Variants in MYO16 observed in about 807,000 individuals in gnomAD.
The protein encoded by MYO16 is unconventional myosin-XVI.
A neutral mutation model predicts 205.3 loss-of-function variants in MYO16; 94 were observed. That is an observed-to-expected ratio of 0.46 (90% confidence interval 0.39 to 0.54). The LOEUF is 0.54. MYO16 is among the 20% of genes least tolerant of loss of function. The pLI, the probability that MYO16 is intolerant of heterozygous loss-of-function variation, is 0.00. For synonymous variants in MYO16, 988 were observed against 954.0 expected (o/e 1.04, Z -0.66); for missense variants, 2,315 against 2,387.5 (o/e 0.97, Z 0.63).
At chr13:109,041,020 C>T (rs1353618530) in intron 23 of MYO16, among the ~76,000 whole-genome samples, 1 of 152,088 alleles carries the variant, frequency 6.6e-6, no homozygotes, top group East Asian at 1.9e-4. Flanking sequence ...AGCAAGGTCA[C>T]AAGACACAAG....
chr13:109,067,948 A>G (rs1009929100), intron 27 of MYO16, among the ~76,000 whole-genome samples: 1 of 152,190 alleles, frequency 6.6e-6, no homozygotes, highest in South Asian at 2.1e-4. Flanking sequence ...CTTCCTAACA[A>G]CCTAACGACC....
intron 4 of MYO16, among the ~76,000 whole-genome samples, chr13:108,772,213 G>A (rs1885988989): frequency 6.6e-6 from 1 of 152,098 alleles, no homozygotes; most frequent in Non-Finnish European, 1.5e-5. Context: ...GAAAGAAATA[G>A]CCGAGCATGG....
At chr13:108,635,258 A>G (rs1880170334) in intron 1 of MYO16, among the ~76,000 whole-genome samples, 1 of 152,174 alleles carries the variant, frequency 6.6e-6, no homozygotes, top group South Asian at 2.1e-4. Flanking sequence ...CAACCCGGAA[A>G]CGTGCCTTCC....
the MYO16 span, among the ~76,000 whole-genome samples, chr13:108,535,310 C>A: frequency 2.6e-5 from 4 of 152,062 alleles, no homozygotes; most frequent in Admixed American, 6.6e-5. Context: ...ATCTAAAATA[C>A]CAATTGTCTC....
chr13:108,648,410 C>G (rs4426222), intron 1 of MYO16, among the ~76,000 whole-genome samples: 20,875 of 152,078 alleles, frequency 0.14, 2,808 homozygotes, highest in African/African-American at 0.34. Flanking sequence ...CTTTTTATGT[C>G]TTAGTTCACA....
intron 14 of MYO16, among the ~76,000 whole-genome samples, chr13:108,894,631 T>C (rs1249092238): frequency 5.3e-5 from 8 of 152,206 alleles, no homozygotes; most frequent in African/African-American, 1.9e-4. Flanking sequence ...CAAACACTTA[T>C]TCTTACGAGA....
chr13:109,152,971 G>A (rs1877760550), intron 32 of MYO16, among the ~76,000 whole-genome samples: 1 of 152,158 alleles, frequency 6.6e-6, no homozygotes, highest in Admixed American at 6.5e-5. Context: ...AAAATGAAAT[G>A]TGGGCTCTCT....
At chr13:108,910,280 A>C (rs1392297221) in intron 16 of MYO16, 130 bp downstream of exon 16, 2 of 974,538 alleles carry the variant, frequency 2.1e-6, no homozygotes, top group Non-Finnish European at 3.0e-6. Context: ...GGATACTGTT[A>C]GGTTGAAACC....
chr13:108,663,371 C>G (rs890946450), intron 1 of MYO16, among the ~76,000 whole-genome samples: 4 of 151,810 alleles, frequency 2.6e-5, no homozygotes, highest in Non-Finnish European at 5.9e-5. Flanking sequence ...TAGACATATA[C>G]GTACATGACA....
At position 109,141,228 on chromosome 13, in the gene MYO16, C is replaced by A. The variant is rs994964530; in HGVS notation, c.5016C>A (p.Ala1672=). The change falls in exon 32 of 35, where the codon GCC becomes GCA. Residue 1672 remains alanine (A), a synonymous_variant. Transcript: ENST00000457511. The surrounding 1 kb of genome is among the most constrained non-coding windows in gnomAD (Gnocchi z 4.1). The part of the protein sequence containing the change: ...VKATRADARK[A]GSSASPPAPY... ...CCACCAGGGCGGACGCCAGGAAGGC[C>A]GGCTCCAGTGCCTCGCCCCCCGCGC... is the stretch of plus-strand genomic sequence containing the variant. 4 of 1,606,730 alleles carry A rather than the reference C, an allele frequency of 2.5e-6. No homozygotes were observed. The highest frequency in any genetic ancestry group is 1.1e-5 in the South Asian group (1 of 90,734).
At chr13:108,711,317 T>G (rs923968401) in intron 2 of MYO16, among the ~76,000 whole-genome samples, 1 of 152,252 alleles carries the variant, frequency 6.6e-6, no homozygotes, top group Admixed American at 6.5e-5. Context: ...CTACTCAATG[T>G]TAGCAGATTC....
At chr13:108,580,827 T>G in the MYO16 span, among the ~76,000 whole-genome samples, 1 of 152,200 alleles carries the variant, frequency 6.6e-6, no homozygotes, top group East Asian at 1.9e-4. Flanking sequence ...AGAAGTCAGT[T>G]GAAAACTTCC....
chr13:109,044,079 C>T (rs1886965095), intron 23 of MYO16, among the ~76,000 whole-genome samples: 1 of 152,056 alleles, frequency 6.6e-6, no homozygotes, highest in South Asian at 2.1e-4. Flanking sequence ...TACCGAATTA[C>T]AGTCAGATCC....
At chr13:109,128,118 T>C (rs1205559995) in intron 31 of MYO16, among the ~76,000 whole-genome samples, 1 of 152,342 alleles carries the variant, frequency 6.6e-6, no homozygotes, top group East Asian at 1.9e-4. Context: ...ACAATTACTG[T>C]TTAAATATTA....
intron 4 of MYO16, among the ~76,000 whole-genome samples, chr13:108,761,820 T>C (rs540216591): frequency 6.6e-6 from 1 of 152,340 alleles, no homozygotes; most frequent in African/African-American, 2.4e-5. Flanking sequence ...GGGATTATTT[T>C]GTAAATTTAA....
At chr13:108,540,291 A>G in the MYO16 span, among the ~76,000 whole-genome samples, 1 of 152,276 alleles carries the variant, frequency 6.6e-6, no homozygotes, top group African/African-American at 2.4e-5. Context: ...ATTTTAAATG[A>G]CTTATTGTTA....
rs1481359890 is a variant in MYO16 at position 109,174,816 on chromosome 13, A to G, written c.5324-4726A>G. Among the ~76,000 whole-genome samples, 4 of 145,156 alleles carry G rather than the reference A, an allele frequency of 2.8e-5. No individual in the cohort carries two copies. In the East Asian group the frequency reaches 6.0e-4, roughly 22 times the overall value. On this transcript the variant is annotated intron_variant, in intron 33 of 34. Coordinates refer to ENST00000457511, the MANE Select transcript of MYO16 (RefSeq NM_001198950.3). ...GCCCAGGCTGGAGTGCAGTGGCACA[A>G]TCTCAACTCACTGCAAACTCCGCCT...
chr13:109,124,262 C>T (rs984128216), intron 29 of MYO16, among the ~76,000 whole-genome samples: 4 of 152,194 alleles, frequency 2.6e-5, no homozygotes, highest in African/African-American at 9.6e-5. Flanking sequence ...GAGATTATGT[C>T]TGTGTAACTG....
intron 32 of MYO16, chr13:109,164,024 CAA>C (rs1878520731): frequency 6.6e-6 from 1 of 152,190 alleles, no homozygotes; most frequent in Non-Finnish European, 1.5e-5. Context: ...GATGCTGAAT[CAA>C]AAGTCTCCAA....
Sources: allele counts gnomAD v4.1 joint callset (sites outside exome capture counted in the v4.1 genomes callset), GRCh38; gene constraint gnomAD v4.1.1; non-coding constraint Gnocchi (gnomAD v3.1); transcripts MANE v1.5; gene names NCBI Gene and HGNC (gene_info 2026-07-23, HGNC 2026-07-21).